DPYD: variants seen among roughly 807,000 people sequenced by gnomAD.
DPYD encodes the protein dihydropyrimidine dehydrogenase [NADP(+)].
A neutral mutation model predicts 116.2 loss-of-function variants in DPYD; 109 were observed. The ratio of observed to expected loss-of-function variants is 0.94; its 90% CI spans 0.80 to 1.10. The LOEUF (loss-of-function observed/expected upper bound fraction) is 1.10. DPYD is among the 50% of genes least tolerant of loss of function. The probability of loss-of-function intolerance (pLI) is 0.00; values close to 1 mark genes in which losing one functional copy is unlikely to be tolerated. For missense variants in DPYD, 1,302 were observed against 1,254.5 expected (o/e 1.04, Z -0.57); for synonymous variants, 440 against 432.0 (o/e 1.02, Z -0.23).
At chr1:97,618,379 T>C (rs1656423900) in intron 8 of DPYD, among the ~76,000 whole-genome samples, 1 of 49,384 alleles carries the variant, frequency 2.0e-5, no homozygotes, top group Non-Finnish European at 5.3e-5. Flanking sequence ...TTTTTTTTCT[T>C]TTTTTTTTTT....
chr1:97,652,666 G>A (rs1658656581), intron 8 of DPYD, among the ~76,000 whole-genome samples: 1 of 152,148 alleles, frequency 6.6e-6, no homozygotes, highest in Non-Finnish European at 1.5e-5. Context: ...AGGGCGGAAG[G>A]GTGAGGGACA....
At chr1:97,393,626 T>A (rs1398123923) in intron 14 of DPYD, among the ~76,000 whole-genome samples, 1 of 152,104 alleles carries the variant, frequency 6.6e-6, no homozygotes, top group African/African-American at 2.4e-5. Context: ...CATGGACTCA[T>A]CCTTTTTTAT....
In DPYD at chr1:97,800,475, A is replaced by G. The variant is rs140468872; in HGVS notation, c.233+27639T>C. Among the ~76,000 whole-genome samples the G allele has an allele frequency of 2.0e-5, 3 of 151,972 alleles. No homozygotes were observed. In the East Asian group the frequency reaches 5.8e-4, roughly 29 times the overall value. On this transcript the variant is annotated intron_variant, in intron 3 of 22. Coordinates refer to ENST00000370192, the MANE Select transcript of DPYD (RefSeq NM_000110.4). The stretch of plus-strand genomic sequence containing the variant: ...ACCTCTGTCACAGATCGAGCTCTCA[A>G]CACTGCACAGCAATGGAACTTAACT...
intron 20 of DPYD, among the ~76,000 whole-genome samples, chr1:97,171,241 AG>A (rs766095757): frequency 1.3e-5 from 2 of 152,184 alleles, no homozygotes; most frequent in Non-Finnish European, 2.9e-5. Flanking sequence ...CAATGATGAA[AG>A]GTTGAGGAAA....
At chr1:97,872,103 T>A (rs1204959570) in intron 2 of DPYD, among the ~76,000 whole-genome samples, 1 of 151,848 alleles carries the variant, frequency 6.6e-6, no homozygotes, top group East Asian at 1.9e-4. Context: ...TCCCTAGAGC[T>A]TACTCTCTTA....
chr1:97,283,824 G>A (rs526645), intron 18 of DPYD, among the ~76,000 whole-genome samples: 115,330 of 152,038 alleles, frequency 0.76, 44,770 homozygotes, highest in African/African-American at 0.93. Flanking sequence ...AATTGTTTGT[G>A]TGTCTACTGT....
intron 8 of DPYD, among the ~76,000 whole-genome samples, chr1:97,650,163 T>G (rs1451753126): frequency 1.3e-5 from 2 of 152,060 alleles, no homozygotes; most frequent in African/African-American, 4.8e-5. Context: ...TTTCTGCTTT[T>G]CAAAGTGTTT....
chr1:97,557,764 A>G (rs977619550), intron 11 of DPYD, among the ~76,000 whole-genome samples: 1 of 152,202 alleles, frequency 6.6e-6, no homozygotes, highest in African/African-American at 2.4e-5. Context: ...CTTACATTCC[A>G]TTAACATCAC....
chr1:97,523,235 A>G (rs887918202), intron 12 of DPYD, among the ~76,000 whole-genome samples: 4 of 152,206 alleles, frequency 2.6e-5, no homozygotes, highest in African/African-American at 9.6e-5. Flanking sequence ...TTAGAGTGTA[A>G]AGATAAAGAG....
intron 13 of DPYD, among the ~76,000 whole-genome samples, chr1:97,484,231 G>C (rs1678487856): frequency 6.6e-6 from 1 of 152,222 alleles, no homozygotes; most frequent in Admixed American, 6.5e-5. Context: ...TTGAAGCCGG[G>C]AGGTGGAGGT....
intron 16 of DPYD, among the ~76,000 whole-genome samples, chr1:97,328,829 A>G (rs1369133929): frequency 6.6e-6 from 1 of 152,200 alleles, no homozygotes; most frequent in Admixed American, 6.5e-5. Context: ...ATACAAATAA[A>G]TGTACTTAAA....
chr1:97,155,933 T>C (rs1229579819), intron 20 of DPYD, among the ~76,000 whole-genome samples: 4 of 152,162 alleles, frequency 2.6e-5, no homozygotes, highest in Non-Finnish European at 5.9e-5. Context: ...GGGGATCTTT[T>C]TAAAATGCAG....
chr1:97,262,353 G>A (rs1433655943), intron 18 of DPYD, among the ~76,000 whole-genome samples: 4 of 151,960 alleles, frequency 2.6e-5, no homozygotes, highest in Admixed American at 1.3e-4. Context: ...TTAGATGAGC[G>A]ATTGCATGTA....
chr1:97,097,031 G>C (rs1185072057), intron 21 of DPYD, among the ~76,000 whole-genome samples: 2 of 152,100 alleles, frequency 1.3e-5, no homozygotes, highest in African/African-American at 4.8e-5. Flanking sequence ...CCACACATTG[G>C]CAAAAAGGCT....
chr1:97,612,021 T>C (rs1272874260), intron 8 of DPYD, among the ~76,000 whole-genome samples: 2 of 152,106 alleles, frequency 1.3e-5, no homozygotes, highest in Non-Finnish European at 2.9e-5. Flanking sequence ...GACTAGAAGA[T>C]GCATGAGTGG....
At chr1:97,100,903 G>C (rs1650633572) in intron 20 of DPYD, among the ~76,000 whole-genome samples, 1 of 152,036 alleles carries the variant, frequency 6.6e-6, no homozygotes. Context: ...GACCACATTT[G>C]CCATACATAA....
At chr1:97,291,681 C>T (rs954960091) in intron 18 of DPYD, among the ~76,000 whole-genome samples, 2 of 145,506 alleles carry the variant, frequency 1.4e-5, no homozygotes, top group Non-Finnish European at 3.0e-5. Flanking sequence ...ACTCTGGGGA[C>T]TGTTGTGGGG....
chr1:97,243,672 T>A (rs1272877752), intron 18 of DPYD, among the ~76,000 whole-genome samples: 2 of 151,868 alleles, frequency 1.3e-5, no homozygotes, highest in Non-Finnish European at 2.9e-5. Context: ...ACCATAAAAA[T>A]CAACATTATA....
At chr1:97,400,158 AG>A (rs1489060153) in intron 14 of DPYD, among the ~76,000 whole-genome samples, 1 of 152,200 alleles carries the variant, frequency 6.6e-6, no homozygotes, top group Non-Finnish European at 1.5e-5. Flanking sequence ...TTTAGCATGA[AG>A]GGCTGTTGAA....
Sources: gnomAD v4.1 joint callset for allele counts (sites outside exome capture counted in the v4.1 genomes callset) on GRCh38, gnomAD v4.1.1 for gene constraint, MANE v1.5 for transcripts, NCBI Gene and HGNC (gene_info 2026-07-23, HGNC 2026-07-21) for gene names.